UNC13C: variants seen among roughly 807,000 people sequenced by gnomAD.
UNC13C encodes the protein unc-13 homolog C.
Under a neutral mutation model 245.4 loss-of-function variants are expected in UNC13C, and 174 were observed. The observed-to-expected ratio is 0.71, with a 90% confidence interval of 0.63 to 0.80. The LOEUF is 0.80. UNC13C is among the 30% of genes least tolerant of loss of function. UNC13C has a pLI of 0.00. For missense variants in UNC13C, 2,829 were observed against 2,602.9 expected, an observed-to-expected ratio of 1.09 and a Z score of -1.89; for synonymous variants, 992 against 895.1, an observed-to-expected ratio of 1.11 and a Z score of -1.93.
intron 4 of UNC13C, among the ~76,000 whole-genome samples, chr15:54,189,226 G>A (rs1369722067): frequency 6.6e-6 from 1 of 152,054 alleles, no homozygotes; most frequent in Non-Finnish European, 1.5e-5. Context: ...GTGTAAAAGT[G>A]GTTCATAAAA....
Position 54,338,349 on chromosome 15 carries a change from T to A in UNC13C, c.4585-12T>A. The A allele has an allele frequency of 6.3e-7, 1 of 1,595,474 alleles. No homozygotes were observed. Among genetic ancestry groups the A allele is most frequent in the Non-Finnish European group, 8.5e-7 (1 of 1,169,716 alleles). ...TGTTGCATTTGAGAAAATAAATGTCTGTCTTTGTCAGGTTCTGGAGCTGCA... is the reference window on the plus strand; with the variant it reads ...TGTTGCATTTGAGAAAATAAATGTCAGTCTTTGTCAGGTTCTGGAGCTGCA... On this transcript the variant is annotated splice_polypyrimidine_tract_variant and intron_variant, in intron 16 of 32. Transcript: ENST00000260323.
At chr15:53,878,866 T>C in the UNC13C span, among the ~76,000 whole-genome samples, 2 of 146,114 alleles carry the variant, frequency 1.4e-5, no homozygotes, top group Non-Finnish European at 3.1e-5. Context: ...TCTGAAGCAA[T>C]GAATATGCAG....
intron 19 of UNC13C, among the ~76,000 whole-genome samples, chr15:54,428,758 A>T (rs2040808676): frequency 6.6e-6 from 1 of 151,588 alleles, no homozygotes; most frequent in African/African-American, 2.4e-5. Flanking sequence ...ATGAGTAAGT[A>T]CAGCTGCAGA....
chr15:54,027,765 A>G lies in UNC13C; in HGVS notation c.2983+11879A>G, dbSNP rs141351308. ...CTTAGCAGTTTATTTGACACACTGT[A>G]GTGAAAATTTGCACATTTCCTTTTT... On this transcript the variant is annotated intron_variant, in intron 2 of 32. Coordinates refer to ENST00000260323, the MANE Select transcript of UNC13C (RefSeq NM_001080534.3). 3.8e-3 allele frequency among the ~76,000 whole-genome samples: 575 copies of G among 149,998 alleles called. 2 individuals carry two copies. The highest frequency in any genetic ancestry group is 9.4e-3 in the Admixed American group (141 of 15,038).
chr15:53,943,275 T>C, the UNC13C span, among the ~76,000 whole-genome samples: 1 of 152,194 alleles, frequency 6.6e-6, no homozygotes, highest in Non-Finnish European at 1.5e-5. Flanking sequence ...ATTTGCTAAT[T>C]TATCCATACT....
At chr15:54,295,352 C>T (rs1373660480) in intron 11 of UNC13C, among the ~76,000 whole-genome samples, 2 of 152,066 alleles carry the variant, frequency 1.3e-5, no homozygotes, top group Admixed American at 1.3e-4. Context: ...ATTCTTTTAA[C>T]AAAACATATA....
rs761729254 is a variant in UNC13C at position 54,264,251 on chromosome 15, A to C, written c.3532A>C (p.Arg1178=). The C allele has an allele frequency of 1.1e-5, 17 of 1,598,364 alleles. No individual in the cohort carries two copies. The Middle Eastern group carries it at 9.9e-4, about 93-fold the overall frequency. ...AGCAATGAAAGAAAGAATGAAGATC[A>C]GGGAGAAAAACCGGCCAGAAGTATT... ...ITAMKERMKI[R]EKNRPEVFEV... is the part of the protein sequence containing the mutation. The change falls in exon 9 of 33, where the codon AGG becomes CGG. Residue 1178 remains arginine (R), a synonymous_variant. Transcript: ENST00000260323.
chr15:54,222,581 T>G (rs1780116884), intron 4 of UNC13C, among the ~76,000 whole-genome samples: 1 of 152,130 alleles, frequency 6.6e-6, no homozygotes, highest in South Asian at 2.1e-4. Flanking sequence ...TTCAGTATAC[T>G]GATTTCCTTT....
chr15:54,152,914 AGAGT>A (rs2032584642), intron 4 of UNC13C, among the ~76,000 whole-genome samples: 1 of 152,160 alleles, frequency 6.6e-6, no homozygotes, highest in African/African-American at 2.4e-5. Context: ...AAGCATATAT[AGAGT>A]ATGTTTTTAG....
intron 4 of UNC13C, among the ~76,000 whole-genome samples, chr15:54,157,456 T>C (rs572264439): frequency 1.3e-4 from 20 of 152,200 alleles, no homozygotes; most frequent in Non-Finnish European, 2.4e-4. Flanking sequence ...AATAATAGTT[T>C]AATAATACAT....
chr15:54,362,229 G>A (rs1389804912), intron 17 of UNC13C, among the ~76,000 whole-genome samples: 1 of 152,224 alleles, frequency 6.6e-6, no homozygotes, highest in East Asian at 1.9e-4. Context: ...CCAGTGGGAT[G>A]GAACTGGAGT....
At chr15:54,053,164 G>A (rs954858090) in intron 2 of UNC13C, among the ~76,000 whole-genome samples, 15 of 151,252 alleles carry the variant, frequency 9.9e-5, no homozygotes, top group East Asian at 3.9e-4. Flanking sequence ...ACAGGTGTGC[G>A]CCACCACACC....
At chr15:54,337,225 G>A (rs969340308) in intron 16 of UNC13C, among the ~76,000 whole-genome samples, 2 of 152,060 alleles carry the variant, frequency 1.3e-5, no homozygotes, top group Admixed American at 6.6e-5. Context: ...AATTATGTAA[G>A]ATTTAACCGG....
At position 54,031,247 on chromosome 15, in the gene UNC13C, G is replaced by A. The variant is rs187646075; in HGVS notation, c.2983+15361G>A. Among the ~76,000 whole-genome samples, 614 of 152,246 alleles carry A rather than the reference G, an allele frequency of 4.0e-3. 5 individuals are homozygous for A. The highest frequency in any genetic ancestry group is 0.014 in the African/African-American group (596 of 41,564). On this transcript the variant is annotated intron_variant, in intron 2 of 32. Coordinates refer to ENST00000260323, the MANE Select transcript of UNC13C (RefSeq NM_001080534.3). ...ATTTAGGCATTGGAAATTCAGAAGG[G>A]TGCCGTTTTTGGATAGCCCAGGCTG... is the stretch of plus-strand genomic sequence containing the variant.
chr15:54,237,016 G>C (rs1181955637), intron 6 of UNC13C, among the ~76,000 whole-genome samples: 1 of 152,104 alleles, frequency 6.6e-6, no homozygotes, highest in Non-Finnish European at 1.5e-5. Flanking sequence ...TCTATTTTAT[G>C]TGGTGAGGAA....
intron 4 of UNC13C, among the ~76,000 whole-genome samples, chr15:54,174,062 T>A (rs886724365): frequency 2.0e-5 from 3 of 152,200 alleles, no homozygotes; most frequent in Admixed American, 6.5e-5. Context: ...ATGATATATT[T>A]CCCTTTTTAT....
At chr15:53,885,816 T>C in the UNC13C span, among the ~76,000 whole-genome samples, 1 of 152,028 alleles carries the variant, frequency 6.6e-6, no homozygotes. Flanking sequence ...CTGACACAAA[T>C]AAGTTTGAAA....
chr15:54,340,136 T>A (rs944774345), intron 17 of UNC13C, among the ~76,000 whole-genome samples: 3 of 152,106 alleles, frequency 2.0e-5, no homozygotes, highest in African/African-American at 7.2e-5. Flanking sequence ...CTGATAAGAT[T>A]TTTTTTCTTA....
chr15:54,058,492 C>A (rs1897647469), intron 2 of UNC13C, among the ~76,000 whole-genome samples: 1 of 152,132 alleles, frequency 6.6e-6, no homozygotes, highest in South Asian at 2.1e-4. Context: ...CCAAAAAAGT[C>A]CAGGACCAGA....
Sources: gnomAD v4.1 joint callset for allele counts (sites outside exome capture counted in the v4.1 genomes callset) on GRCh38, gnomAD v4.1.1 for gene constraint, MANE v1.5 for transcripts, NCBI Gene and HGNC (gene_info 2026-07-23, HGNC 2026-07-21) for gene names.